NRXN1: variants seen among roughly 807,000 people sequenced by gnomAD.
NRXN1 encodes neurexin 1, also known as neurexin-1.
Under a neutral mutation model 150.9 loss-of-function variants are expected in NRXN1, and 39 were observed. The ratio of observed to expected loss-of-function variants is 0.26; its 90% CI spans 0.20 to 0.34. The LOEUF (loss-of-function observed/expected upper bound fraction) is 0.34. Ranked by LOEUF, NRXN1 falls within the 10% of genes least tolerant of loss-of-function variation. The probability of loss-of-function intolerance (pLI) is 1.00; values close to 1 mark genes in which losing one functional copy is unlikely to be tolerated. For synonymous variants in NRXN1, 924 were observed against 757.0 expected (o/e 1.22, Z -3.62); for missense variants, 1,815 against 1,949.9 (o/e 0.93, Z 1.30).
rs567598111 is a variant in NRXN1, at chr2:50,427,307, G to T, written c.3364+38135C>A. Among the ~76,000 whole-genome samples the T allele has an allele frequency of 2.0e-5, 3 of 148,288 alleles. No individual in the cohort carries two copies. The South Asian group carries it at 6.4e-4, about 32-fold the overall frequency. ...TCTCTTTAGGACAAATTGTCAACAT[G>T]TATAATTATACAGTAGTTTAACTGG... On this transcript the variant is annotated intron_variant, in intron 17 of 22. Coordinates refer to ENST00000401669, the MANE Select transcript of NRXN1 (RefSeq NM_001330078.2).
rs529093780 is a variant in NRXN1 at position 50,900,355 on chromosome 2, C to T, written c.832+21514G>A. Among the ~76,000 whole-genome samples, 70 of 152,172 alleles carry T rather than the reference C, an allele frequency of 4.6e-4. 1 individual carries two copies. Among genetic ancestry groups the T allele is most frequent in the South Asian group, 1.0e-3 (5 of 4,822 alleles). On this transcript the variant is annotated intron_variant, in intron 5 of 22. Transcript: ENST00000401669. ...GAAGGGTAAGTATCTGGGAGTTCAC[C>T]CTTTAAGGACAGTAGTTCTAGAACC...
chr2:50,244,947 T>C (rs1257794076), intron 17 of NRXN1, among the ~76,000 whole-genome samples: 1 of 151,910 alleles, frequency 6.6e-6, no homozygotes, highest in Non-Finnish European at 1.5e-5. Context: ...GAAAAATCTA[T>C]GTGTGTATAT....
At position 49,977,127 on chromosome 2, in the gene NRXN1, C is replaced by T. The variant is rs1305638440; in HGVS notation, c.4129-33336G>A. ...TCTATTGTTGGCTCTTGTTGTTATTCAGATTCTTGTAACTTTAAGAGATAC... is the reference window on the plus strand; with the variant it reads ...TCTATTGTTGGCTCTTGTTGTTATTTAGATTCTTGTAACTTTAAGAGATAC... On this transcript the variant is annotated intron_variant, in intron 21 of 22. Transcript: ENST00000401669. Among the ~76,000 whole-genome samples the T allele has an allele frequency of 4.6e-5, 7 of 151,998 alleles. No individual in the cohort carries two copies. The East Asian group carries it at 1.3e-3, about 29-fold the overall frequency.
rs368628635 is a variant in NRXN1 at position 50,610,943 on chromosome 2, A to C, written c.1320+9079T>G. On this transcript the variant is annotated intron_variant, in intron 8 of 22. Transcript: ENST00000401669. ...GTATTTTTAATAGAGATGGGATTTC[A>C]CCATGTTGGCCAGGCTGGTCTTGAA... Among the ~76,000 whole-genome samples the C allele has an allele frequency of 4.4e-4, 66 of 149,776 alleles. 1 individual carries two copies. Among genetic ancestry groups the C allele is most frequent in the African/African-American group, 1.6e-3 (64 of 40,706 alleles).
chr2:50,719,812 T>C (rs1457869487), intron 5 of NRXN1, among the ~76,000 whole-genome samples: 1 of 152,222 alleles, frequency 6.6e-6, no homozygotes, highest in African/African-American at 2.4e-5. Flanking sequence ...TCTCTCATCC[T>C]GAAAGGCTTC....
chr2:50,825,396 T>C (rs1670308386), intron 5 of NRXN1, among the ~76,000 whole-genome samples: 2 of 152,136 alleles, frequency 1.3e-5, no homozygotes, highest in African/African-American at 2.4e-5. Flanking sequence ...GGGTTAAAAC[T>C]TTCAGCCCCA....
At chr2:50,019,295 A>G in intron 21 of NRXN1, 1 of 471,454 alleles carries the variant, frequency 2.1e-6, no homozygotes, top group South Asian at 1.5e-5. Context: ...GTTTGAGGAC[A>G]GGGATATGTT....
intron 12 of NRXN1, among the ~76,000 whole-genome samples, chr2:50,527,024 T>C (rs192950408): frequency 1.3e-3 from 203 of 152,304 alleles, no homozygotes; most frequent in African/African-American, 4.7e-3. Flanking sequence ...GAATACAGAA[T>C]CACATGTCAT....
chr2:50,286,736 G>A (rs2072234692), intron 17 of NRXN1, among the ~76,000 whole-genome samples: 1 of 152,036 alleles, frequency 6.6e-6, no homozygotes, highest in African/African-American at 2.4e-5. Context: ...CAAAGTGACT[G>A]CTACAAAGTT....
At chr2:50,191,385 A>G (rs1412456250) in intron 18 of NRXN1, among the ~76,000 whole-genome samples, 1 of 152,094 alleles carries the variant, frequency 6.6e-6, no homozygotes, top group African/African-American at 2.4e-5. Context: ...TACAATATCT[A>G]AATTAGGAAA....
chr2:50,713,389 C>A (rs1447797017), intron 5 of NRXN1, among the ~76,000 whole-genome samples: 4 of 151,994 alleles, frequency 2.6e-5, no homozygotes, highest in Admixed American at 6.6e-5. Context: ...TAATGTATAT[C>A]TTTACACAGG....
intron 5 of NRXN1, among the ~76,000 whole-genome samples, chr2:50,697,421 A>G (rs1000160341): frequency 5.3e-5 from 8 of 152,132 alleles, no homozygotes; most frequent in African/African-American, 1.4e-4. Flanking sequence ...AGCATCTTTC[A>G]AAGTGAAACT....
intron 17 of NRXN1, among the ~76,000 whole-genome samples, chr2:50,426,666 T>C (rs2084521144): frequency 6.6e-6 from 1 of 152,188 alleles, no homozygotes; most frequent in Non-Finnish European, 1.5e-5. Flanking sequence ...TCATTTTCCC[T>C]GAGGGATGCA....
chr2:49,963,926 G>A (rs1676450058), intron 21 of NRXN1, among the ~76,000 whole-genome samples: 1 of 152,180 alleles, frequency 6.6e-6, no homozygotes, highest in South Asian at 2.1e-4. Flanking sequence ...CAGAGCTGCT[G>A]TAACATACCC....
At chr2:50,435,651 T>C (rs1252703675) in intron 17 of NRXN1, among the ~76,000 whole-genome samples, 1 of 152,114 alleles carries the variant, frequency 6.6e-6, no homozygotes, top group Non-Finnish European at 1.5e-5. Context: ...TTCCCTTGAG[T>C]ATATACCCAA....
intron 9 of NRXN1, among the ~76,000 whole-genome samples, chr2:50,540,659 T>C (rs1194028372): frequency 6.6e-6 from 1 of 151,872 alleles, no homozygotes; most frequent in East Asian, 1.9e-4. Flanking sequence ...CAAAGTGCCA[T>C]GTTCTTTTTT....
rs1435091 is a variant in NRXN1 at position 50,003,547 on chromosome 2, T to C, written c.4128+49724A>G. On this transcript the variant is annotated intron_variant, in intron 21 of 22. Transcript: ENST00000401669. ...TGATAAAATCTGTTGGCAACCTCCTTGAAGCTGCAAAGCAGTTACTCAAAA... is the reference window on the plus strand; with the variant it reads ...TGATAAAATCTGTTGGCAACCTCCTCGAAGCTGCAAAGCAGTTACTCAAAA... 4.6e-5 allele frequency among the ~76,000 whole-genome samples: 7 copies of C among 152,270 alleles called. No homozygotes were observed. The South Asian group carries it at 1.5e-3, about 32-fold the overall frequency.
intron 17 of NRXN1, among the ~76,000 whole-genome samples, chr2:50,269,860 T>C (rs1346841924): frequency 6.6e-6 from 1 of 152,210 alleles, no homozygotes; most frequent in Non-Finnish European, 1.5e-5. Flanking sequence ...AAAAGACTCG[T>C]TCCTTAAATT....
chr2:49,928,877 C>T (rs1669621565), intron 22 of NRXN1, among the ~76,000 whole-genome samples: 1 of 152,160 alleles, frequency 6.6e-6, no homozygotes. Flanking sequence ...CCCATGCCTG[C>T]ACATTCTGAA....
Sources: gnomAD v4.1 joint callset for allele counts (sites outside exome capture counted in the v4.1 genomes callset) on GRCh38, gnomAD v4.1.1 for gene constraint, MANE v1.5 for transcripts, NCBI Gene and HGNC (gene_info 2026-07-23, HGNC 2026-07-21) for gene names.